The following SEMA3D variants were observed in gnomAD, a reference collection of about 807,000 sequenced individuals.
SEMA3D encodes the protein semaphorin-3D.
A neutral mutation model predicts 100.1 loss-of-function variants in SEMA3D; 84 were observed. That is an observed-to-expected ratio of 0.84 (90% CI 0.70 to 1.01). The LOEUF (loss-of-function observed/expected upper bound fraction) is 1.01. Among genes scored for constraint, SEMA3D ranks in the 50% least tolerant of loss-of-function variants. SEMA3D has a pLI of 0.00. For missense variants in SEMA3D, 875 were observed against 934.1 expected (o/e 0.94, Z 0.82); for synonymous variants, 312 against 320.7 (o/e 0.97, Z 0.29).
At chr7:85,033,541 T>A (rs1790603634) in intron 12 of SEMA3D, among the ~76,000 whole-genome samples, 1 of 152,130 alleles carries the variant, frequency 6.6e-6, no homozygotes, top group South Asian at 2.1e-4. Flanking sequence ...TCGATACTTA[T>A]TTTCTATTTC....
intron 3 of SEMA3D, among the ~76,000 whole-genome samples, chr7:85,120,445 A>G (rs889475813): frequency 1.3e-5 from 2 of 152,004 alleles, no homozygotes; most frequent in Non-Finnish European, 2.9e-5. Context: ...AGGTGGGCAG[A>G]TCACTTGAGG....
At chr7:85,195,297 C>G in the SEMA3D span, among the ~76,000 whole-genome samples, 9 of 152,180 alleles carry the variant, frequency 5.9e-5, no homozygotes, top group Non-Finnish European at 1.0e-4. Context: ...CTGTAGCTAG[C>G]AGCCTCACAG....
At chr7:85,234,593 T>C in the SEMA3D span, among the ~76,000 whole-genome samples, 1 of 152,048 alleles carries the variant, frequency 6.6e-6, no homozygotes, top group African/African-American at 2.4e-5. Flanking sequence ...TCAGAAAAGC[T>C]CAATAAAAGC....
At chr7:85,132,189 A>T (rs752207823) in intron 2 of SEMA3D, among the ~76,000 whole-genome samples, 2 of 151,918 alleles carry the variant, frequency 1.3e-5, no homozygotes, top group Non-Finnish European at 2.9e-5. Context: ...GTTTTGATCA[A>T]ATTTCATTTA....
At chr7:85,091,173 AGAAG>A (rs200628415) in intron 4 of SEMA3D, among the ~76,000 whole-genome samples, 2,192 of 121,552 alleles carry the variant, frequency 0.018, 58 homozygotes, top group African/African-American at 0.091. Context: ...AAGGAAGGAA[AGAAG>A]GAAGGAAGGA....
chr7:85,151,563 G>A (rs1298639430), intron 2 of SEMA3D: 1 of 859,558 alleles, frequency 1.2e-6, no homozygotes, highest in Non-Finnish European at 1.4e-6. Flanking sequence ...TTAAAATAGA[G>A]CACCGTAGTT....
intron 2 of SEMA3D, among the ~76,000 whole-genome samples, chr7:85,149,265 C>T (rs1235231074): frequency 8.6e-5 from 13 of 151,356 alleles, no homozygotes; most frequent in Non-Finnish European, 1.6e-4. Flanking sequence ...GACAACATGG[C>T]GAAACCCTGC....
chr7:85,128,256 A>G (rs1384212928), intron 2 of SEMA3D, among the ~76,000 whole-genome samples: 1 of 151,870 alleles, frequency 6.6e-6, no homozygotes, highest in Non-Finnish European at 1.5e-5. Context: ...CAAGTTCCAC[A>G]TCTCTGGTTC....
At chr7:85,013,405 G>C (rs1790011662) in intron 16 of SEMA3D, among the ~76,000 whole-genome samples, 1 of 151,602 alleles carries the variant, frequency 6.6e-6, no homozygotes, top group Non-Finnish European at 1.5e-5. Context: ...CTGCTGATGA[G>C]TAGCTCAAAT....
chr7:85,233,237 G>A, the SEMA3D span, among the ~76,000 whole-genome samples: 9 of 148,478 alleles, frequency 6.1e-5, no homozygotes, highest in South Asian at 2.1e-4. Context: ...CGGCTAGCGC[G>A]AATGAAAAAA....
At chr7:85,181,342 ACACAC>A (rs1791400985) in intron 1 of SEMA3D, among the ~76,000 whole-genome samples, 2 of 135,094 alleles carry the variant, frequency 1.5e-5, no homozygotes, top group Non-Finnish European at 3.1e-5. Flanking sequence ...ACACACACAC[ACACAC>A]ACACACACAC....
intron 12 of SEMA3D, chr7:85,028,330 T>C (rs1030938132): frequency 1.5e-6 from 1 of 684,764 alleles, no homozygotes; most frequent in Non-Finnish European, 2.7e-6. Context: ...CTGGTCTCAA[T>C]GTACTTGGAA....
intron 17 of SEMA3D, among the ~76,000 whole-genome samples, chr7:85,008,795 T>A (rs995542258): frequency 1.3e-5 from 2 of 151,742 alleles, no homozygotes; most frequent in African/African-American, 2.4e-5. Flanking sequence ...ATTGTCCACA[T>A]TGGTGGCTGA....
chr7:85,098,843 C>T (rs1003717189), intron 3 of SEMA3D, among the ~76,000 whole-genome samples: 1 of 151,922 alleles, frequency 6.6e-6, no homozygotes, highest in Non-Finnish European at 1.5e-5. Context: ...CCTTCTCCCC[C>T]ACCCCTCCCC....
intron 3 of SEMA3D, among the ~76,000 whole-genome samples, chr7:85,121,084 T>G (rs1006805111): frequency 2.0e-5 from 3 of 152,182 alleles, no homozygotes; most frequent in African/African-American, 7.2e-5. Context: ...ACATCCCTTT[T>G]ATTTCTTGAG....
chr7:85,046,679 T>G (rs934636177), intron 9 of SEMA3D, among the ~76,000 whole-genome samples: 2 of 151,926 alleles, frequency 1.3e-5, no homozygotes, highest in Admixed American at 1.3e-4. Flanking sequence ...AGGAGTTGTA[T>G]TTCTCCTGTA....
At chr7:85,031,431 T>C (rs1483972533) in intron 12 of SEMA3D, among the ~76,000 whole-genome samples, 1 of 152,060 alleles carries the variant, frequency 6.6e-6, no homozygotes, top group African/African-American at 2.4e-5. Context: ...TGTGTTCCTC[T>C]GAATTGCAGT....
intron 2 of SEMA3D, chr7:85,140,203 C>A (rs1298187934): frequency 3.5e-6 from 2 of 572,474 alleles, no homozygotes; most frequent in East Asian, 2.9e-4. Context: ...TTTTTAACAT[C>A]AATAAAAATG....
chr7:85,093,693 C>T (rs1354578986), intron 4 of SEMA3D, among the ~76,000 whole-genome samples: 1 of 151,900 alleles, frequency 6.6e-6, no homozygotes, highest in Non-Finnish European at 1.5e-5. Context: ...AAAAGGAAAA[C>T]TAACAAAATC....
Sources: allele counts gnomAD v4.1 joint callset (sites outside exome capture counted in the v4.1 genomes callset), GRCh38; gene constraint gnomAD v4.1.1; transcripts MANE v1.5; gene names NCBI Gene and HGNC (gene_info 2026-07-23, HGNC 2026-07-21).